The following AADACL2 variants were observed in gnomAD, a reference collection of about 807,000 sequenced individuals.
AADACL2 encodes arylacetamide deacetylase-like 2.
Under a neutral mutation model 22.3 loss-of-function variants are expected in AADACL2, and 23 were observed. The observed-to-expected ratio is 1.03, with a 90% CI of 0.74 to 1.46. The LOEUF (loss-of-function observed/expected upper bound fraction) is 1.46, where lower values mean the gene tolerates loss of function less well. Ranked by LOEUF, AADACL2 falls within the 40% of genes most tolerant of loss-of-function variation. The pLI is 0.00. For synonymous variants in AADACL2, 177 were observed against 166.2 expected, an observed-to-expected ratio of 1.07 and a Z score of -0.50; for missense variants, 472 against 482.9, an observed-to-expected ratio of 0.98 and a Z score of 0.21.
chr3:151,757,646 T>G lies in AADACL2; in HGVS notation c.*52T>G. Reference sequence around the variant, plus strand: ...ACATAGTGGATTGTAATTTGTGATATTTTGTGGTTTTGGAGCAAAGAACAA... The same window carrying G: ...ACATAGTGGATTGTAATTTGTGATAGTTTGTGGTTTTGGAGCAAAGAACAA... On this transcript the variant is annotated 3_prime_UTR_variant, in exon 5 of 5. Transcript: ENST00000356517. The G allele has an allele frequency of 6.6e-7, 1 of 1,523,912 alleles. No homozygotes were observed. Among genetic ancestry groups the G allele is most frequent in the Non-Finnish European group, 8.8e-7 (1 of 1,137,692 alleles). 94.4% of individuals were successfully genotyped at this position (1,523,912 alleles called of 1,614,324 possible). A position where few individuals can be genotyped will look rare whatever the true frequency, so the allele number is the denominator to read the frequency against.
At chr3:151,743,403 A>G (rs545055343) in intron 2 of AADACL2, among the ~76,000 whole-genome samples, 1 of 152,200 alleles carries the variant, frequency 6.6e-6, no homozygotes, top group East Asian at 1.9e-4. Context: ...TAAATAGGAT[A>G]TGTGGGGACC....
intron 4 of AADACL2, among the ~76,000 whole-genome samples, chr3:151,756,736 C>T (rs11916406): frequency 0.04 from 6,036 of 150,768 alleles, 412 homozygotes; most frequent in African/African-American, 0.14. Context: ...CTCTTTCTGT[C>T]TCTTTCCCTC....
Position 151,758,677 on chromosome 3 carries a change from G to T in AADACL2, c.*1083G>T, listed in dbSNP as rs1327926852. The T allele has an allele frequency of 6.6e-6, 1 of 151,972 alleles. No individual in the cohort carries two copies. Among genetic ancestry groups the T allele is most frequent in the East Asian group, 1.9e-4 (1 of 5,192 alleles). The allele number at this position is 151,972 out of a possible 1,614,324, so 9.4% of individuals were successfully genotyped here. Reference sequence around the variant, plus strand: ...ACCTAAAGAATAAATCACTTCTGTAGCCCTTTTGTTGAGTGGAATCATAAA... The same window carrying T: ...ACCTAAAGAATAAATCACTTCTGTATCCCTTTTGTTGAGTGGAATCATAAA... On this transcript the variant is annotated 3_prime_UTR_variant, in exon 5 of 5. Transcript: ENST00000356517.
rs796693644 is a variant in AADACL2 at position 151,757,885 on chromosome 3, C to A, written c.*291C>A. On this transcript the variant is annotated 3_prime_UTR_variant, in exon 5 of 5. Coordinates refer to ENST00000356517, the MANE Select transcript of AADACL2 (RefSeq NM_207365.4). Reference sequence around the variant, plus strand: ...GTTGAGAAATAAGAGTGGTTATTGGCAAATTAAGCAAGATACTTTCCAGAT... The same window carrying A: ...GTTGAGAAATAAGAGTGGTTATTGGAAAATTAAGCAAGATACTTTCCAGAT... 1.4e-5 allele frequency: 3 copies of A among 209,018 alleles called. No individual in the cohort carries two copies. The highest frequency in any genetic ancestry group is 5.4e-5 in the Admixed American group (1 of 18,550). 12.9% of individuals were successfully genotyped at this position (209,018 alleles called of 1,614,324 possible).
At chr3:151,754,403 A>G (rs915699324) in intron 4 of AADACL2, among the ~76,000 whole-genome samples, 1 of 152,150 alleles carries the variant, frequency 6.6e-6, no homozygotes, top group African/African-American at 2.4e-5. Context: ...CTTGAAAAAC[A>G]CGGCCTATAA....
intron 4 of AADACL2, chr3:151,755,236 A>C (rs1576618244): frequency 9.8e-6 from 1 of 101,684 alleles, no homozygotes; most frequent in South Asian, 3.3e-4. Flanking sequence ...TAATGACTTT[A>C]TTATCTTAGG....
Position 151,757,283 on chromosome 3 carries a change from G to C in AADACL2, c.895G>C (p.Glu299Gln). Reference sequence around the variant, plus strand: ...GTATAGAAAAGACTATGTATATACTGAACCAATTCTTGGAGGACTTAGTTA... The same window carrying C: ...GTATAGAAAAGACTATGTATATACTCAACCAATTCTTGGAGGACTTAGTTA... ...EKYRKDYVYT[E>Q]PILGGLSYSL... Residue 299 changes from glutamate (E) to glutamine (Q), a missense_variant, in exon 5 of 5, where the codon GAA (glutamate) becomes CAA (glutamine). This residue lies in a region of AADACL2 where 356 missense variants were observed against 365.5 expected (regional missense o/e 0.97). Coordinates refer to ENST00000356517, the MANE Select transcript of AADACL2 (RefSeq NM_207365.4). 6.2e-7 allele frequency: 1 copy of C among 1,613,728 alleles called. No individual in the cohort carries two copies. Among genetic ancestry groups the C allele is most frequent in the African/African-American group, 1.3e-5 (1 of 75,032 alleles).
intron 4 of AADACL2, among the ~76,000 whole-genome samples, chr3:151,756,138 C>A (rs969431027): frequency 2.0e-5 from 3 of 152,048 alleles, no homozygotes; most frequent in African/African-American, 7.2e-5. Context: ...GTAGCAGCAG[C>A]AGGTATTTTC....
chr3:151,737,885 T>A (rs1713147833), intron 1 of AADACL2, among the ~76,000 whole-genome samples: 1 of 152,162 alleles, frequency 6.6e-6, no homozygotes, highest in African/African-American at 2.4e-5. Context: ...TACAGCACAC[T>A]GATGAGTCTT....
chr3:151,753,763 A>C (rs573468220), intron 4 of AADACL2, among the ~76,000 whole-genome samples: 1 of 152,230 alleles, frequency 6.6e-6, no homozygotes, highest in South Asian at 2.1e-4. Context: ...CAGGCTATGG[A>C]TAAGTTGGTG....
intron 1 of AADACL2, among the ~76,000 whole-genome samples, chr3:151,735,278 C>A (rs935249731): frequency 3.3e-5 from 5 of 152,112 alleles, no homozygotes; most frequent in African/African-American, 1.2e-4. Context: ...CTTGTTTAAA[C>A]CCTACTACAA....
rs1044647073 is a variant in AADACL2 at position 151,760,993 on chromosome 3, C to T, written c.*3399C>T. 3 of 151,522 alleles carry T rather than the reference C, an allele frequency of 2.0e-5. No individual in the cohort carries two copies. The highest frequency in any genetic ancestry group is 7.3e-5 in the African/African-American group (3 of 41,196). The allele number at this position is 151,522 out of a possible 1,614,324, so 9.4% of individuals were successfully genotyped here. Reference sequence around the variant, plus strand: ...CCTATCCTAATAATTTCATTTTAACCTGACTGTCTTTGTAAAGACCCTATC... The same window carrying T: ...CCTATCCTAATAATTTCATTTTAACTTGACTGTCTTTGTAAAGACCCTATC... On this transcript the variant is annotated 3_prime_UTR_variant, in exon 5 of 5. Coordinates refer to ENST00000356517, the MANE Select transcript of AADACL2 (RefSeq NM_207365.4).
intron 3 of AADACL2, 51 bp downstream of exon 3, chr3:151,744,213 A>T: frequency 6.4e-7 from 1 of 1,561,366 alleles, no homozygotes; most frequent in Non-Finnish European, 8.8e-7. Context: ...TACCATGTAG[A>T]GGTTTGATTT....
chr3:151,743,255 T>C (rs1344001243), intron 2 of AADACL2, among the ~76,000 whole-genome samples: 1 of 152,214 alleles, frequency 6.6e-6, no homozygotes, highest in East Asian at 1.9e-4. Flanking sequence ...TGCAGTTTTG[T>C]TAATGTGCAA....
rs973181644 is a variant in AADACL2, at chr3:151,759,884, T to A, written c.*2290T>A. 3.9e-5 allele frequency: 6 copies of A among 152,138 alleles called. No individual in the cohort carries two copies. Among genetic ancestry groups the A allele is most frequent in the African/African-American group, 1.4e-4 (6 of 41,434 alleles). 9.4% of individuals were successfully genotyped at this position (152,138 alleles called of 1,614,324 possible). A position where few individuals can be genotyped will look rare whatever the true frequency, so the allele number is the denominator to read the frequency against. Reference sequence around the variant, plus strand: ...GAGCATTGTGATCAAGCCATTAAGTTTGGAAACAACTGAATGAAAGTCGTC... The same window carrying A: ...GAGCATTGTGATCAAGCCATTAAGTATGGAAACAACTGAATGAAAGTCGTC... On this transcript the variant is annotated 3_prime_UTR_variant, in exon 5 of 5. Transcript: ENST00000356517.
At chr3:151,743,391 G>C (rs1306736531) in intron 2 of AADACL2, among the ~76,000 whole-genome samples, 1 of 152,116 alleles carries the variant, frequency 6.6e-6, no homozygotes, top group Non-Finnish European at 1.5e-5. Flanking sequence ...CCAGGGCCCT[G>C]GTAAATAGGA....
At chr3:151,738,385 C>T (rs921810050) in intron 1 of AADACL2, among the ~76,000 whole-genome samples, 4 of 152,162 alleles carry the variant, frequency 2.6e-5, no homozygotes, top group Non-Finnish European at 5.9e-5. Flanking sequence ...GATGGGTCTC[C>T]CTTTGTAGGT....
At position 151,757,560 on chromosome 3, in the gene AADACL2, ATATG is replaced by A. The variant is rs1408513528; in HGVS notation, c.1179_1182del (p.Tyr393Ter). 1.2e-6 allele frequency: 2 copies of A among 1,611,880 alleles called. No homozygotes were observed. The highest frequency in any genetic ancestry group is 1.7e-6 in the Non-Finnish European group (2 of 1,178,608). ...TTACGTCTAGGTCTTAGGATAAGAG[ATATG>A]TATGTAAGTTGGCTGGATAAGAATT... On this transcript the variant is annotated frameshift_variant, in exon 5 of 5. Coordinates refer to ENST00000356517, the MANE Select transcript of AADACL2 (RefSeq NM_207365.4). LOFTEE classifies it high-confidence loss of function.
Position 151,738,480 on chromosome 3 carries a change from C to G in AADACL2, c.139-2166C>G, listed in dbSNP as rs191800340. 2.2e-3 allele frequency among the ~76,000 whole-genome samples: 339 copies of G among 152,224 alleles called. 1 individual carries two copies. The highest frequency in any genetic ancestry group is 4.1e-3 in the Non-Finnish European group (279 of 68,018). On this transcript the variant is annotated intron_variant, in intron 1 of 4. Coordinates refer to ENST00000356517, the MANE Select transcript of AADACL2 (RefSeq NM_207365.4). ...CTGATGATTATGTGTCATGGGGTTG[C>G]TCTTCTCAAGGAGTATCTTAGTGGT...
Sources: gnomAD v4.1 joint callset for allele counts (sites outside exome capture counted in the v4.1 genomes callset) on GRCh38, gnomAD v4.1.1 for gene constraint, gnomAD v4.1.1 regional missense constraint, MANE v1.5 for transcripts, NCBI Gene and HGNC (gene_info 2026-07-23, HGNC 2026-07-21) for gene names.